The following ZMYM4 variants were observed in gnomAD, a reference collection of about 807,000 sequenced individuals.
ZMYM4 encodes the protein zinc finger MYM-type protein 4.
ZMYM4 carries 31 observed loss-of-function variants against 183.2 expected under a neutral mutation model. The ratio of observed to expected loss-of-function variants is 0.17; its 90% CI spans 0.13 to 0.23. ZMYM4 has a LOEUF of 0.23. ZMYM4 is among the 10% of genes least tolerant of loss of function. The probability of loss-of-function intolerance (pLI) is 1.00; values close to 1 mark genes in which losing one functional copy is unlikely to be tolerated. For synonymous variants in ZMYM4, 592 were observed against 631.2 expected, an observed-to-expected ratio of 0.94 and a Z score of 0.93; for missense variants, 1,273 against 1,840.3, an observed-to-expected ratio of 0.69 and a Z score of 5.64.
chr1:35,393,663 T>C lies in ZMYM4; in HGVS notation c.2835T>C (p.Ala945=). The part of the protein sequence containing the change: ...SQPPRLLKNK[A]LLCKPITQTK... ...CTCCAAGGCTTTTGAAGAACAAAGCTTTATTATGCAAACCCATCACACAGA... is the reference window on the plus strand; with the variant it reads ...CTCCAAGGCTTTTGAAGAACAAAGCCTTATTATGCAAACCCATCACACAGA... The change falls in exon 18 of 30, where the codon GCT becomes GCC. Residue 945 remains alanine (A), a synonymous_variant. Coordinates refer to ENST00000314607, the MANE Select transcript of ZMYM4 (RefSeq NM_005095.3). 6.2e-7 allele frequency: 1 copy of C among 1,612,830 alleles called. No homozygotes were observed. The highest frequency in any genetic ancestry group is 8.5e-7 in the Non-Finnish European group (1 of 1,179,190).
intron 1 of ZMYM4, among the ~76,000 whole-genome samples, chr1:35,296,932 C>G (rs1557940069): frequency 6.8e-6 from 1 of 146,750 alleles, no homozygotes; most frequent in Non-Finnish European, 1.5e-5. Flanking sequence ...TCACTGCAAC[C>G]TCCATCTCCC....
intron 29 of ZMYM4, among the ~76,000 whole-genome samples, 167 bp from the exon 30 acceptor site, chr1:35,419,298 AGAAAG>A (rs1156912744): frequency 2.6e-5 from 4 of 152,144 alleles, no homozygotes; most frequent in African/African-American, 9.7e-5. Flanking sequence ...GTCACAGTGG[AGAAAG>A]GTTGAGAGCC....
chr1:35,294,312 G>A (rs929791289), intron 1 of ZMYM4, among the ~76,000 whole-genome samples: 3 of 151,978 alleles, frequency 2.0e-5, no homozygotes, highest in Non-Finnish European at 2.9e-5. Flanking sequence ...CATGTTCCTG[G>A]ATGGAAAAAC....
intron 1 of ZMYM4, chr1:35,309,181 A>G: frequency 4.3e-6 from 2 of 466,604 alleles, no homozygotes; most frequent in Non-Finnish European, 5.6e-6. Context: ...TATTAATTTT[A>G]TAATTTTGGT....
intron 1 of ZMYM4, among the ~76,000 whole-genome samples, chr1:35,302,467 G>C (rs1641334960): frequency 6.9e-6 from 1 of 144,422 alleles, no homozygotes; most frequent in East Asian, 2.1e-4. Context: ...CTCACTGCAA[G>C]CTCCGCCTCC....
intron 1 of ZMYM4, among the ~76,000 whole-genome samples, chr1:35,315,021 TCAAAAAAA>T (rs905451819): frequency 1.7e-4 from 26 of 149,416 alleles, no homozygotes; most frequent in African/African-American, 6.1e-4. Flanking sequence ...AGACTCCATC[TCAAAAAAA>T]CAAAAAAACA....
At chr1:35,365,241 T>G (rs900128989) in intron 5 of ZMYM4, among the ~76,000 whole-genome samples, 4 of 134,494 alleles carry the variant, frequency 3.0e-5, no homozygotes, top group Non-Finnish European at 4.6e-5. Context: ...ATCAAAGTCT[T>G]TTTTTTTTTT....
In ZMYM4 at chr1:35,399,017, A is replaced by G; in HGVS notation, c.3407A>G (p.Gln1136Arg). ...LKQFSKGETEQDLEADFPSDS... is the reference protein window; with the variant it reads ...LKQFSKGETERDLEADFPSDS... ...CAGTTCTCAAAAGGGGAAACTGAAC[A>G]GGACCTGGAAGCAGATTTTCCATCA... The change falls in exon 22 of 30, where the codon CAG becomes CGG. Residue 1136 changes from glutamine to arginine, a missense_variant. Gln to Arg is a conservative substitution (Grantham distance 43, BLOSUM62 1). Coordinates refer to ENST00000314607, the MANE Select transcript of ZMYM4 (RefSeq NM_005095.3). The G allele has an allele frequency of 6.2e-7, 1 of 1,614,132 alleles. No homozygotes were observed. The highest frequency in any genetic ancestry group is 8.5e-7 in the Non-Finnish European group (1 of 1,179,990).
At chr1:35,325,787 C>T (rs1215178224) in intron 2 of ZMYM4, among the ~76,000 whole-genome samples, 3 of 151,988 alleles carry the variant, frequency 2.0e-5, no homozygotes, top group Non-Finnish European at 4.4e-5. Context: ...AAAAGTAATA[C>T]ATTCAATTTT....
chr1:35,412,007 C>T (rs1558197619), intron 26 of ZMYM4, among the ~76,000 whole-genome samples: 3 of 151,988 alleles, frequency 2.0e-5, no homozygotes, highest in South Asian at 2.1e-4. Flanking sequence ...CCTCAGCCTC[C>T]GAAGTAGCTG....
At chr1:35,348,337 A>G (rs1643474674) in intron 2 of ZMYM4, among the ~76,000 whole-genome samples, 1 of 152,250 alleles carries the variant, frequency 6.6e-6, no homozygotes, top group African/African-American at 2.4e-5. Flanking sequence ...TGTTAGAAAT[A>G]TATTTTACAT....
intron 18 of ZMYM4, among the ~76,000 whole-genome samples, chr1:35,394,488 T>A (rs1644773555): frequency 6.6e-6 from 1 of 152,108 alleles, no homozygotes; most frequent in Non-Finnish European, 1.5e-5. Context: ...GCTTGTGGCC[T>A]CCCTTTCTTG....
At chr1:35,353,558 C>T (rs12042490) in intron 2 of ZMYM4, among the ~76,000 whole-genome samples, 10,930 of 152,134 alleles carry the variant, frequency 0.072, 1,014 homozygotes, top group African/African-American at 0.21. Context: ...TCCTCACATA[C>T]GCCAAGCATA....
chr1:35,322,991 T>C (rs1249323558), intron 1 of ZMYM4, among the ~76,000 whole-genome samples: 1 of 149,756 alleles, frequency 6.7e-6, no homozygotes, highest in East Asian at 2.0e-4. Flanking sequence ...CGCCTGGCTT[T>C]TTTGTTTTGT....
At chr1:35,366,783 G>A (rs961883387) in intron 5 of ZMYM4, among the ~76,000 whole-genome samples, 4 of 152,126 alleles carry the variant, frequency 2.6e-5, no homozygotes, top group Non-Finnish European at 5.9e-5. Flanking sequence ...AGGCCAAGCG[G>A]GGGGCGAATC....
intron 1 of ZMYM4, among the ~76,000 whole-genome samples, chr1:35,308,581 C>T (rs1032492189): frequency 7.2e-5 from 11 of 152,224 alleles, no homozygotes; most frequent in Non-Finnish European, 1.0e-4. Context: ...GATGATAAGA[C>T]GGGTGTGGTG....
At chr1:35,280,563 A>G (rs1640107524) in intron 1 of ZMYM4, among the ~76,000 whole-genome samples, 1 of 152,358 alleles carries the variant, frequency 6.6e-6, no homozygotes, top group African/African-American at 2.4e-5. Context: ...GAAATTTATC[A>G]TCTCACAGTT....
In ZMYM4 at chr1:35,389,181, C is replaced by G. The variant is rs757044266; in HGVS notation, c.2436+99C>G. On this transcript the variant is annotated intron_variant, in intron 14 of 29. Transcript: ENST00000314607. The surrounding 1 kb of genome is among the most constrained non-coding windows in gnomAD (Gnocchi z 4.0). ...TAAAGGACAATTTAATTATTTAAAA[C>G]TTTTAAGTATTAAATGTTTTATGCC... 16 of 1,235,466 alleles carry G rather than the reference C, an allele frequency of 1.3e-5. No homozygotes were observed. The highest frequency in any genetic ancestry group is 1.8e-5 in the Non-Finnish European group (16 of 904,576). 76.5% of individuals were successfully genotyped at this position (1,235,466 alleles called of 1,614,324 possible).
intron 7 of ZMYM4, among the ~76,000 whole-genome samples, chr1:35,375,682 TATCTC>T (rs1644319435): frequency 6.6e-6 from 1 of 152,256 alleles, no homozygotes; most frequent in African/African-American, 2.4e-5. Flanking sequence ...TTGGTAATCA[TATCTC>T]AGCCTGTTGA....
Sources: allele counts gnomAD v4.1 joint callset (sites outside exome capture counted in the v4.1 genomes callset), GRCh38; gene constraint gnomAD v4.1.1; non-coding constraint Gnocchi (gnomAD v3.1); transcripts MANE v1.5; gene names NCBI Gene and HGNC (gene_info 2026-07-23, HGNC 2026-07-21).